BSN: variants seen among roughly 807,000 people sequenced by gnomAD.
The protein encoded by BSN is protein bassoon.
BSN carries 57 observed loss-of-function variants against 264.8 expected under a neutral mutation model. The observed-to-expected ratio is 0.22, with a 90% CI of 0.17 to 0.27. BSN has a LOEUF of 0.27. Among genes scored for constraint, BSN ranks in the 10% least tolerant of loss-of-function variants. The pLI, the probability that BSN is intolerant of heterozygous loss-of-function variation, is 1.00. For synonymous variants in BSN, 2,059 were observed against 2,137.3 expected (o/e 0.96, Z 1.01); for missense variants, 4,615 against 5,232.5 (o/e 0.88, Z 3.64).
chr3:49,620,992 G>A, intron 1 of BSN, among the ~76,000 whole-genome samples: 1 of 152,188 alleles, frequency 6.6e-6, no homozygotes, highest in East Asian at 1.9e-4. Context: ...AAACCAGGTG[G>A]GGTGAGGAGG....
At position 49,657,576 on chromosome 3, in the gene BSN, G is replaced by A. The variant is rs941024231; in HGVS notation, c.8020G>A (p.Val2674Met). ...CATCCAGACCATCAGTGACTGCTCCGTGCAGACGGAGCCTGACCAGCTGCC... is the reference window on the plus strand; with the variant it reads ...CATCCAGACCATCAGTGACTGCTCCATGCAGACGGAGCCTGACCAGCTGCC... ...VGIQTISDCS[V>M]QTEPDQLPRV... The change falls in exon 5 of 12, where the codon GTG (valine) becomes ATG (methionine). Residue 2674 changes from valine (V) to methionine (M), a missense_variant. This residue lies in a region of BSN where 3,415 missense variants were observed against 3,866.4 expected (regional missense o/e 0.88). Transcript: ENST00000296452. The A allele has an allele frequency of 4.1e-5, 66 of 1,612,804 alleles. No homozygotes were observed. Among genetic ancestry groups the A allele is most frequent in the East Asian group, 8.9e-5 (4 of 44,884 alleles).
chr3:49,563,501 G>C (rs748329782), intron 1 of BSN, among the ~76,000 whole-genome samples: 3 of 152,240 alleles, frequency 2.0e-5, no homozygotes, highest in Non-Finnish European at 4.4e-5. Flanking sequence ...GGAAGGGCTA[G>C]CCTGAAAGAG....
chr3:49,625,290 G>T lies in BSN; in HGVS notation c.540G>T (p.Ser180=). Residue 180 remains serine (S), a synonymous_variant, in exon 2 of 12, where the codon TCG becomes TCT. Transcript: ENST00000296452. This position sits in a 1 kb window ranked among gnomAD's most constrained non-coding sequence, Gnocchi z 4.4. ...CPICKTSDLT[S]TPSQPNFNTC... is the part of the protein sequence containing the mutation. ...TATGCAAGACTTCGGACCTCACGTC[G>T]ACCCCCAGCCAGCCAAACTTCAACA... The T allele has an allele frequency of 1.2e-6, 2 of 1,600,874 alleles. 1 individual carries two copies. Among genetic ancestry groups the T allele is most frequent in the South Asian group, 2.3e-5 (2 of 88,634 alleles).
downstream of BSN, among the ~76,000 whole-genome samples, chr3:49,672,358 T>A (rs1253683528): frequency 6.6e-6 from 1 of 152,174 alleles, no homozygotes; most frequent in African/African-American, 2.4e-5. Context: ...TTGATGAACA[T>A]CCTATTTTCC....
In BSN at chr3:49,642,443, G is replaced by A. The variant is rs1450734278; in HGVS notation, c.809G>A (p.Gly270Glu). ...KPDQERSRGP[G>E]GPQPGSRQAE... ...GACCAAGAGAGATCTCGGGGCCCAG[G>A]AGGACCACAGCCTGGGTCCCGCCAG... The change falls in exon 3 of 12, where the codon GGA becomes GAA. Residue 270 changes from glycine (G) to glutamate (E), a missense_variant. Coordinates refer to ENST00000296452, the MANE Select transcript of BSN (RefSeq NM_003458.4). The surrounding 1 kb of genome is among the most constrained non-coding windows in gnomAD (Gnocchi z 7.0). The A allele has an allele frequency of 6.3e-7, 1 of 1,596,750 alleles. No homozygotes were observed.
At position 49,625,505 on chromosome 3, in the gene BSN, G is replaced by T; in HGVS notation, c.633+122G>T. ...TCATTTCCCTTGACCACCAGCATTT[G>T]TGTCCTCCTGCAGGGATGTGTCCTG... On this transcript the variant is annotated intron_variant, in intron 2 of 11. Coordinates refer to ENST00000296452, the MANE Select transcript of BSN (RefSeq NM_003458.4). The surrounding 1 kb of genome is among the most constrained non-coding windows in gnomAD (Gnocchi z 4.4). The T allele has an allele frequency of 9.8e-7, 1 of 1,015,840 alleles. No individual in the cohort carries two copies. The highest frequency in any genetic ancestry group is 1.3e-6 in the Non-Finnish European group (1 of 752,916). 62.9% of individuals were successfully genotyped at this position (1,015,840 alleles called of 1,614,324 possible).
intron 2 of BSN, among the ~76,000 whole-genome samples, chr3:49,633,713 T>C (rs1274590905): frequency 1.3e-5 from 2 of 152,184 alleles, no homozygotes; most frequent in South Asian, 4.1e-4. Context: ...ATGCAAAATA[T>C]ATGTATATAC....
chr3:49,567,728 T>G (rs1456943848), intron 1 of BSN, among the ~76,000 whole-genome samples: 3 of 152,186 alleles, frequency 2.0e-5, no homozygotes, highest in African/African-American at 7.2e-5. Flanking sequence ...AACCCAAAAC[T>G]TAGTAGTGGA....
At chr3:49,619,980 G>A (rs1473590164) in intron 1 of BSN, among the ~76,000 whole-genome samples, 2 of 50,658 alleles carry the variant, frequency 3.9e-5, no homozygotes, top group Non-Finnish European at 9.2e-5. Flanking sequence ...TGCCCACACA[G>A]AACTGGCAGT....
intron 1 of BSN, among the ~76,000 whole-genome samples, chr3:49,566,565 G>C (rs553938179): frequency 1.3e-3 from 202 of 152,128 alleles, no homozygotes; most frequent in East Asian, 2.7e-3. Context: ...TGGGCAGATT[G>C]CTTGAGCCCA....
chr3:49,642,841 G>C lies in BSN; in HGVS notation c.1207G>C (p.Gly403Arg). Residue 403 changes from glycine (G) to arginine (R), a missense_variant, in exon 3 of 12, where the codon GGG (glycine) becomes CGG (arginine). Gly to Arg is a moderately radical substitution (Grantham distance 125, BLOSUM62 -2). Transcript: ENST00000296452. The surrounding 1 kb of genome is among the most constrained non-coding windows in gnomAD (Gnocchi z 7.0). ...GGCTGGCCCAAAACCCTTGGGCTCA[G>C]GGCCCGGGCCTGGGCCAGCACCTGG... ...KEAGPKPLGS[G>R]PGPGPAPGAK... 6.2e-7 allele frequency: 1 copy of C among 1,613,212 alleles called. No individual in the cohort carries two copies. The highest frequency in any genetic ancestry group is 8.5e-7 in the Non-Finnish European group (1 of 1,179,676).
At chr3:49,561,136 A>G (rs1042320865) in intron 1 of BSN, among the ~76,000 whole-genome samples, 1 of 152,248 alleles carries the variant, frequency 6.6e-6, no homozygotes, top group African/African-American at 2.4e-5. Context: ...AGGGAGCTCT[A>G]GATCACCCCA....
At chr3:49,613,290 T>C (rs547182951) in intron 1 of BSN, among the ~76,000 whole-genome samples, 13 of 76,326 alleles carry the variant, frequency 1.7e-4, no homozygotes, top group Admixed American at 3.9e-4. Flanking sequence ...TATATATATA[T>C]ACACACACAG....
intron 1 of BSN, among the ~76,000 whole-genome samples, chr3:49,565,863 C>CT (rs1456302894): frequency 1.3e-5 from 2 of 152,076 alleles, no homozygotes; most frequent in African/African-American, 4.8e-5. Flanking sequence ...GCCCTATTGC[C>CT]TAGGCTAGAG....
At chr3:49,615,701 T>C (rs949140368) in intron 1 of BSN, among the ~76,000 whole-genome samples, 2 of 152,206 alleles carry the variant, frequency 1.3e-5, no homozygotes, top group African/African-American at 4.8e-5. Context: ...TTTGTGCTAT[T>C]GCCGTCAGCA....
In BSN at chr3:49,653,921, T is replaced by C; in HGVS notation, c.4365T>C (p.Ser1455=). The change falls in exon 5 of 12, where the codon AGT becomes AGC. Residue 1455 remains serine (S), a synonymous_variant. Transcript: ENST00000296452. This position sits in a 1 kb window ranked among gnomAD's most constrained non-coding sequence, Gnocchi z 6.3. ...GAGCTGCTAGAGAGAAGCCCTTGAG[T>C]GCGAGTGACGGTGAGGGTGGCACTC... is the stretch of plus-strand genomic sequence containing the variant. The part of the protein sequence containing the change: ...AGRAAREKPL[S]ASDGEGGTPQ... The C allele has an allele frequency of 1.2e-6, 2 of 1,614,040 alleles. No individual in the cohort carries two copies. The highest frequency in any genetic ancestry group is 1.7e-6 in the Non-Finnish European group (2 of 1,179,980).
Position 49,660,714 on chromosome 3 carries a change from A to G in BSN, c.8869A>G (p.Lys2957Glu), listed in dbSNP as rs781244358. The change falls in exon 6 of 12, where the codon AAA (lysine) becomes GAA (glutamate). Residue 2957 changes from lysine (K) to glutamate (E), a missense_variant. Around this residue, in one of 3 missense-constraint regions of BSN, gnomAD observed 3,415 missense variants for 3,866.4 expected, o/e 0.88. Coordinates refer to ENST00000296452, the MANE Select transcript of BSN (RefSeq NM_003458.4). This position sits in a 1 kb window ranked among gnomAD's most constrained non-coding sequence, Gnocchi z 7.1. ...DLRLVEHEST[K>E]LRKKQAELDE... ...GCGGCTGGTGGAGCATGAGTCCACC[A>G]AACTGCGCAAGAAGCAGGCAGAGCT... The G allele has an allele frequency of 3.7e-6, 6 of 1,613,022 alleles. No individual in the cohort carries two copies. Among genetic ancestry groups the G allele is most frequent in the Non-Finnish European group, 5.1e-6 (6 of 1,179,944 alleles).
chr3:49,618,855 T>C (rs1378169595), intron 1 of BSN, among the ~76,000 whole-genome samples: 2 of 152,262 alleles, frequency 1.3e-5, no homozygotes, highest in Admixed American at 6.5e-5. Context: ...GTCTCTACTC[T>C]AGACCAGAGG....
intron 1 of BSN, among the ~76,000 whole-genome samples, chr3:49,606,178 T>TAC (rs2052140887): frequency 4.7e-5 from 1 of 21,402 alleles, no homozygotes; most frequent in Non-Finnish European, 7.9e-5. Flanking sequence ...ATATTATATA[T>TAC]GTATATATAT....
Sources: allele counts gnomAD v4.1 joint callset (sites outside exome capture counted in the v4.1 genomes callset), GRCh38; gene constraint gnomAD v4.1.1; regional missense constraint gnomAD v4.1.1; non-coding constraint Gnocchi (gnomAD v3.1); transcripts MANE v1.5; gene names NCBI Gene and HGNC (gene_info 2026-07-23, HGNC 2026-07-21).